Variants in DLC1 observed in about 807,000 individuals in gnomAD.
The protein encoded by DLC1 is rho GTPase-activating protein 7.
A neutral mutation model predicts 140.3 loss-of-function variants in DLC1; 54 were observed. That is an observed-to-expected ratio of 0.38 (90% CI 0.31 to 0.48). DLC1 has a LOEUF of 0.48. DLC1 is among the 20% of genes least tolerant of loss of function. The pLI is 0.96. For synonymous variants in DLC1, 986 were observed against 728.1 expected (o/e 1.35, Z -5.70); for missense variants, 2,536 against 1,907.0 (o/e 1.33, Z -6.14).
At chr8:13,570,008 G>A (rs1031663775) in intron 1 of DLC1, among the ~76,000 whole-genome samples, 1 of 152,176 alleles carries the variant, frequency 6.6e-6, no homozygotes, top group Non-Finnish European at 1.5e-5. Context: ...TTGCAGGCAC[G>A]AGCCACTGTG....
At position 13,471,262 on chromosome 8, in the gene DLC1, T is replaced by C. The variant is rs115996644; in HGVS notation, c.1023+27787A>G. On this transcript the variant is annotated intron_variant, in intron 2 of 17. Transcript: ENST00000276297. ...TGTGAAAATAGTTAACGATACTGAA[T>C]TGTATACTTGAAATTTGCTAAGAGG... is the stretch of plus-strand genomic sequence containing the variant. Among the ~76,000 whole-genome samples the C allele has an allele frequency of 4.0e-3, 602 of 151,706 alleles. 8 individuals are homozygous for C. The highest frequency in any genetic ancestry group is 0.014 in the African/African-American group (584 of 41,316).
At chr8:13,577,102 T>G (rs1430218891) in intron 1 of DLC1, among the ~76,000 whole-genome samples, 1 of 152,168 alleles carries the variant, frequency 6.6e-6, no homozygotes, top group Non-Finnish European at 1.5e-5. Flanking sequence ...TGGGGCACCA[T>G]TAATTCTTTC....
At chr8:13,319,033 G>A (rs1832978162) in intron 4 of DLC1, among the ~76,000 whole-genome samples, 1 of 152,200 alleles carries the variant, frequency 6.6e-6, no homozygotes, top group Non-Finnish European at 1.5e-5. Context: ...TTAAAATAGA[G>A]CTGGCTTTTG....
chr8:13,161,442 C>A (rs1443174935), intron 5 of DLC1, among the ~76,000 whole-genome samples: 1 of 152,052 alleles, frequency 6.6e-6, no homozygotes, highest in East Asian at 1.9e-4. Context: ...ATGGCTTGAG[C>A]CATCCTCCCA....
chr8:13,234,849 A>G (rs1829209492), intron 5 of DLC1, among the ~76,000 whole-genome samples: 1 of 152,096 alleles, frequency 6.6e-6, no homozygotes, highest in Non-Finnish European at 1.5e-5. Context: ...TTGTCTTAAG[A>G]AACAAAACAA....
intron 1 of DLC1, among the ~76,000 whole-genome samples, chr8:13,586,037 C>G (rs944545712): frequency 6.6e-6 from 1 of 152,128 alleles, no homozygotes; most frequent in Non-Finnish European, 1.5e-5. Context: ...GAATGATTCT[C>G]AACCATGGCT....
chr8:13,336,193 T>C (rs1352690607), intron 4 of DLC1, among the ~76,000 whole-genome samples: 1 of 152,130 alleles, frequency 6.6e-6, no homozygotes, highest in Non-Finnish European at 1.5e-5. Flanking sequence ...CATATTCCAT[T>C]ATTTGCTCAA....
intron 1 of DLC1, chr8:13,567,161 G>A (rs1280020331): frequency 6.4e-7 from 1 of 1,551,802 alleles, no homozygotes; most frequent in African/African-American, 1.4e-5. Flanking sequence ...AAACTGGAGA[G>A]GGAAAAGCAG....
rs1007793821 is a variant in DLC1, at chr8:13,304,987, C to T, written c.1348+282G>A. The T allele has an allele frequency of 1.3e-5, 14 of 1,072,814 alleles. No individual in the cohort carries two copies. The African/African-American group carries it at 1.8e-4, about 14-fold the overall frequency. The allele number at this position is 1,072,814 out of a possible 1,614,324, so 66.5% of individuals were successfully genotyped here. A position where few individuals can be genotyped will look rare whatever the true frequency, so the allele number is the denominator to read the frequency against. ...ATTCATTCCCCAGAACCTTGATCAA[C>T]ATTTAATTCTTTTGCTTAAGAAAAA... On this transcript the variant is annotated intron_variant, in intron 5 of 17. Transcript: ENST00000276297.
intron 1 of DLC1, among the ~76,000 whole-genome samples, chr8:13,525,270 T>A (rs530140070): frequency 1.3e-5 from 2 of 152,330 alleles, no homozygotes; most frequent in African/African-American, 4.8e-5. Flanking sequence ...GGGATATTGT[T>A]ATTTGGCCAT....
chr8:13,228,387 A>G (rs1322685130), intron 5 of DLC1, among the ~76,000 whole-genome samples: 6 of 152,188 alleles, frequency 3.9e-5, no homozygotes, highest in Non-Finnish European at 8.8e-5. Context: ...TGATAAAGGA[A>G]TTGTATATGG....
At chr8:13,187,021 C>A (rs1826412019) in intron 5 of DLC1, among the ~76,000 whole-genome samples, 1 of 152,152 alleles carries the variant, frequency 6.6e-6, no homozygotes, top group Non-Finnish European at 1.5e-5. Context: ...GCAAATATTG[C>A]TTCCTGATCC....
intron 5 of DLC1, among the ~76,000 whole-genome samples, chr8:13,130,003 T>C (rs768466393): frequency 5.3e-5 from 8 of 152,160 alleles, no homozygotes; most frequent in Non-Finnish European, 1.0e-4. Context: ...TACTGGACCA[T>C]CCTGTCCAGC....
At chr8:13,392,715 C>T (rs1021525363) in intron 4 of DLC1, among the ~76,000 whole-genome samples, 12 of 152,142 alleles carry the variant, frequency 7.9e-5, no homozygotes, top group African/African-American at 2.9e-4. Flanking sequence ...ATACTATTTT[C>T]CTGTTGCAGT....
chr8:13,155,375 G>C (rs1280034805), intron 5 of DLC1, among the ~76,000 whole-genome samples: 6 of 144,886 alleles, frequency 4.1e-5, no homozygotes, highest in African/African-American at 1.5e-4. Context: ...AAAAATAAAA[G>C]ATATGGTTGG....
intron 1 of DLC1, among the ~76,000 whole-genome samples, chr8:13,538,830 G>A (rs1163973005): frequency 2.0e-5 from 3 of 152,132 alleles, no homozygotes; most frequent in African/African-American, 7.2e-5. Flanking sequence ...GCAAAATATT[G>A]CTTGAAGAAA....
intron 1 of DLC1, among the ~76,000 whole-genome samples, chr8:13,580,037 C>G (rs1232467491): frequency 1.3e-5 from 2 of 152,166 alleles, no homozygotes; most frequent in African/African-American, 4.8e-5. Context: ...TAGGCTGAGA[C>G]ACATGACCCA....
At chr8:13,517,217 A>G (rs890334525), upstream of DLC1, among the ~76,000 whole-genome samples, 1 of 152,196 alleles carries the variant, frequency 6.6e-6, no homozygotes, top group Non-Finnish European at 1.5e-5. Flanking sequence ...ACTGATATAC[A>G]GTGGTTACTC....
At chr8:13,226,255 T>C (rs1192096163) in intron 5 of DLC1, among the ~76,000 whole-genome samples, 1 of 152,178 alleles carries the variant, frequency 6.6e-6, no homozygotes, top group East Asian at 1.9e-4. Context: ...GTTAATATAA[T>C]TTTAGATTTA....
Sources: gnomAD v4.1 joint callset for allele counts (sites outside exome capture counted in the v4.1 genomes callset) on GRCh38, gnomAD v4.1.1 for gene constraint, MANE v1.5 for transcripts, NCBI Gene and HGNC (gene_info 2026-07-23, HGNC 2026-07-21) for gene names.